GPHN: variants seen among roughly 807,000 people sequenced by gnomAD.
The protein encoded by GPHN is gephyrin.
Under a neutral mutation model 95.5 loss-of-function variants are expected in GPHN, and 17 were observed. The observed-to-expected ratio is 0.18, with a 90% confidence interval of 0.12 to 0.27. The LOEUF is 0.27. Ranked by LOEUF, GPHN falls within the 10% of genes least tolerant of loss-of-function variation. GPHN has a pLI of 1.00. For missense variants in GPHN, 660 were observed against 978.1 expected (o/e 0.67, Z 4.34); for synonymous variants, 320 against 322.5 (o/e 0.99, Z 0.08).
the GPHN span, among the ~76,000 whole-genome samples, chr14:67,327,006 C>A: frequency 2.0e-5 from 3 of 152,006 alleles, no homozygotes; most frequent in Middle Eastern, 3.2e-3. Context: ...GAAACCCCGT[C>A]TCTACTAAAA....
rs542665103 is a variant in GPHN at position 66,880,084 on chromosome 14, C to T, written c.389+51C>T. On this transcript the variant is annotated intron_variant, in intron 5 of 22. Transcript: ENST00000478722. ...AACCATTTGCTAGGTGAACTGTTTC[C>T]GTGATATTAAAAAAAATCTACACTT... 8.6e-5 allele frequency: 95 copies of T among 1,108,946 alleles called. No homozygotes were observed. In the South Asian group the frequency reaches 1.0e-3, roughly 12 times the overall value. The allele number at this position is 1,108,946 out of a possible 1,614,324, so 68.7% of individuals were successfully genotyped here. A position where few individuals can be genotyped will look rare whatever the true frequency, so the allele number is the denominator to read the frequency against.
the GPHN span, among the ~76,000 whole-genome samples, chr14:67,351,845 G>C: frequency 7.1e-6 from 1 of 141,098 alleles, no homozygotes; most frequent in Non-Finnish European, 1.5e-5. Context: ...TAAGTTAAAA[G>C]AAAAGGCGTG....
the GPHN span, among the ~76,000 whole-genome samples, chr14:67,249,778 C>T: frequency 1.3e-5 from 2 of 152,164 alleles, no homozygotes; most frequent in Non-Finnish European, 2.9e-5. Flanking sequence ...GAGAATGTAA[C>T]TTAAAATACA....
At chr14:66,761,471 G>T (rs1243226988) in intron 2 of GPHN, among the ~76,000 whole-genome samples, 1 of 152,102 alleles carries the variant, frequency 6.6e-6, no homozygotes, top group Non-Finnish European at 1.5e-5. Flanking sequence ...AGTACTTCCT[G>T]TTTTCGTTTA....
chr14:67,070,715 A>AAAAAAAAAAAAATATATATATATATAT lies in GPHN; in HGVS notation c.1144+11930_1144+11931insAAAAAAAAAAATATATATATATATATA. Among the ~76,000 whole-genome samples, 10 of 80,676 alleles carry AAAAAAAAAAAAATATATATATATATAT rather than the reference A, an allele frequency of 1.2e-4. No individual in the cohort carries two copies. In the African/African-American group the frequency reaches 1.3e-3, roughly 10 times the overall value. 52.9% of individuals were successfully genotyped at this position (80,676 alleles called of 152,430 possible). On this transcript the variant is annotated intron_variant, in intron 11 of 22. Transcript: ENST00000478722. ...ATCTCAAAAAAAAAAAAAAAAAAAA[A>AAAAAAAAAAAAATATATATATATATAT]ATATATATATATATCCAATCAGCAT...
At chr14:67,356,011 T>C in the GPHN span, among the ~76,000 whole-genome samples, 5 of 151,660 alleles carry the variant, frequency 3.3e-5, no homozygotes, top group African/African-American at 1.2e-4. Flanking sequence ...AAACAAGTGT[T>C]TGGGTAATAA....
At position 66,570,914 on chromosome 14, in the gene GPHN, T is replaced by C. The variant is rs74737611; in HGVS notation, c.64+62323T>C. Among the ~76,000 whole-genome samples the C allele has an allele frequency of 2.4e-4, 36 of 152,330 alleles. No homozygotes were observed. In the East Asian group the frequency reaches 6.9e-3, roughly 29 times the overall value. ...ACCTGTTGGCCATTTTTATGTCCTTTTTTGAGAAATGTCTTTTTCAGGTCT... is the reference window on the plus strand; with the variant it reads ...ACCTGTTGGCCATTTTTATGTCCTTCTTTGAGAAATGTCTTTTTCAGGTCT... On this transcript the variant is annotated intron_variant, in intron 1 of 22. Coordinates refer to ENST00000478722, the MANE Select transcript of GPHN (RefSeq NM_020806.5).
At chr14:67,690,008 C>T in the GPHN span, 2 of 557,708 alleles carry the variant, frequency 3.6e-6, no homozygotes, top group East Asian at 6.2e-5. Context: ...AAAGCCAGGC[C>T]TTCAGACTCA....
chr14:66,713,154 A>C (rs2069826083), intron 2 of GPHN, among the ~76,000 whole-genome samples: 1 of 152,026 alleles, frequency 6.6e-6, no homozygotes, highest in Admixed American at 6.6e-5. Flanking sequence ...GCTCTTTACC[A>C]GCTATGTATC....
chr14:67,003,333 A>G lies in GPHN; in HGVS notation c.964-20300A>G, dbSNP rs116008000. 3.6e-3 allele frequency among the ~76,000 whole-genome samples: 541 copies of G among 151,854 alleles called. 3 individuals are homozygous for G. The highest frequency in any genetic ancestry group is 0.012 in the African/African-American group (502 of 41,532). The stretch of plus-strand genomic sequence containing the variant: ...CTAGACTAGTGTTCATATAACTCTT[A>G]ATTAGCTGATATTACACTATTAGTA... On this transcript the variant is annotated intron_variant, in intron 9 of 22. Coordinates refer to ENST00000478722, the MANE Select transcript of GPHN (RefSeq NM_020806.5).
chr14:66,868,692 C>T (rs2063321160), intron 4 of GPHN, among the ~76,000 whole-genome samples: 1 of 152,134 alleles, frequency 6.6e-6, no homozygotes, highest in African/African-American at 2.4e-5. Flanking sequence ...CCATGCCCAA[C>T]CATATGTTCT....
chr14:66,866,880 A>T (rs549361335), intron 4 of GPHN, among the ~76,000 whole-genome samples: 1 of 152,268 alleles, frequency 6.6e-6, no homozygotes, highest in East Asian at 1.9e-4. Flanking sequence ...AACTGTGAAA[A>T]CTACCAACTC....
chr14:66,642,087 A>G (rs2064445903), intron 1 of GPHN, among the ~76,000 whole-genome samples: 2 of 152,194 alleles, frequency 1.3e-5, no homozygotes, highest in Non-Finnish European at 2.9e-5. Flanking sequence ...GAGAGTATCC[A>G]GTGTGGTAGG....
the GPHN span, among the ~76,000 whole-genome samples, chr14:67,287,485 C>A: frequency 6.6e-6 from 1 of 152,042 alleles, no homozygotes; most frequent in African/African-American, 2.4e-5. Flanking sequence ...AGAAGAAATT[C>A]AAATGGCTAT....
At chr14:66,994,980 T>C (rs2071687173) in intron 9 of GPHN, among the ~76,000 whole-genome samples, 1 of 152,218 alleles carries the variant, frequency 6.6e-6, no homozygotes, top group South Asian at 2.1e-4. Context: ...TACATTCTGC[T>C]ATGCTTGGCA....
chr14:66,531,214 G>T (rs2058924335), intron 1 of GPHN, among the ~76,000 whole-genome samples: 1 of 152,124 alleles, frequency 6.6e-6, no homozygotes, highest in East Asian at 1.9e-4. Flanking sequence ...CCAAAGTGCT[G>T]GGATTACAGG....
intron 11 of GPHN, among the ~76,000 whole-genome samples, chr14:67,067,406 G>A (rs114309850): frequency 6.6e-6 from 1 of 152,322 alleles, no homozygotes; most frequent in African/African-American, 2.4e-5. Flanking sequence ...CTACACAGGG[G>A]TCAGGGACTC....
chr14:67,102,837 G>A (rs2077792968), intron 13 of GPHN, among the ~76,000 whole-genome samples: 1 of 152,166 alleles, frequency 6.6e-6, no homozygotes, highest in South Asian at 2.1e-4. Flanking sequence ...CAATGGTGTT[G>A]ACACTAGCTT....
At chr14:67,665,335 C>T in the GPHN span, among the ~76,000 whole-genome samples, 3 of 148,552 alleles carry the variant, frequency 2.0e-5, no homozygotes, top group African/African-American at 5.0e-5. Flanking sequence ...ACTGCAGCCT[C>T]GACCTCCCAG....
Sources: allele counts gnomAD v4.1 joint callset (sites outside exome capture counted in the v4.1 genomes callset), GRCh38; gene constraint gnomAD v4.1.1; transcripts MANE v1.5; gene names NCBI Gene and HGNC (gene_info 2026-07-23, HGNC 2026-07-21).